PHACTR3: variants seen among roughly 807,000 people sequenced by gnomAD.
The protein encoded by PHACTR3 is phosphatase and actin regulator 3.
In PHACTR3, 16 loss-of-function variants were observed where a neutral mutation model predicts 66.8. That is an observed-to-expected ratio of 0.24 (90% CI 0.16 to 0.36). PHACTR3 has a LOEUF of 0.36. Among genes scored for constraint, PHACTR3 ranks in the 10% least tolerant of loss-of-function variants. PHACTR3 has a pLI of 1.00. For synonymous variants in PHACTR3, 323 were observed against 292.1 expected (o/e 1.11, Z -1.08); for missense variants, 647 against 719.9 (o/e 0.90, Z 1.16).
intron 1 of PHACTR3, among the ~76,000 whole-genome samples, chr20:59,702,947 G>A (rs969270973): frequency 2.6e-5 from 4 of 152,152 alleles, no homozygotes; most frequent in Non-Finnish European, 5.9e-5. Flanking sequence ...CTAAGATGGA[G>A]CTGACAGTGA....
At chr20:59,844,137 AG>A (rs1203022874) in intron 11 of PHACTR3, 1 of 152,132 alleles carries the variant, frequency 6.6e-6, no homozygotes, top group East Asian at 1.9e-4. Flanking sequence ...ATCTTATTCC[AG>A]TTAGAATAGT....
At chr20:59,741,508 T>A (rs2039162383) in intron 1 of PHACTR3, among the ~76,000 whole-genome samples, 1 of 152,224 alleles carries the variant, frequency 6.6e-6, no homozygotes, top group East Asian at 1.9e-4. Context: ...AATGTGCTCA[T>A]CTATTCTCAG....
intron 11 of PHACTR3, among the ~76,000 whole-genome samples, chr20:59,842,235 A>G (rs1476816251): frequency 6.6e-6 from 1 of 152,240 alleles, no homozygotes; most frequent in Non-Finnish European, 1.5e-5. Context: ...AAGAGTGTCC[A>G]TAGAGTTTTG....
At chr20:59,772,694 G>A (rs1441523693) in intron 5 of PHACTR3, among the ~76,000 whole-genome samples, 3 of 152,334 alleles carry the variant, frequency 2.0e-5, no homozygotes, top group South Asian at 2.1e-4. Context: ...CAGGGGCCTT[G>A]AGACTGGGCC....
In PHACTR3 at chr20:59,736,440, G is replaced by A. The variant is rs1485621113; in HGVS notation, c.119-6667G>A. Among the ~76,000 whole-genome samples, 2 of 152,080 alleles carry A rather than the reference G, an allele frequency of 1.3e-5. No individual in the cohort carries two copies. Among genetic ancestry groups the A allele is most frequent in the African/African-American group, 2.4e-5 (1 of 41,420 alleles). ...TCCCTCTGTGGACAGGTGTGCATGG[G>A]CCACATGCACCCGCCCACAGATGGC... On this transcript the variant is annotated intron_variant, in intron 1 of 12. Transcript: ENST00000371015. The surrounding 1 kb of genome is among the most constrained non-coding windows in gnomAD (Gnocchi z 4.6).
chr20:59,779,376 C>T (rs1487372159), intron 7 of PHACTR3, among the ~76,000 whole-genome samples: 1 of 152,218 alleles, frequency 6.6e-6, no homozygotes, highest in Non-Finnish European at 1.5e-5. Context: ...AAATTACTCA[C>T]AGTAGGAAAG....
In PHACTR3 at chr20:59,840,443, T is replaced by C. The variant is rs2059037573; in HGVS notation, c.1446+13T>C. The C allele has an allele frequency of 1.2e-6, 2 of 1,612,816 alleles. No homozygotes were observed. Among genetic ancestry groups the C allele is most frequent in the Non-Finnish European group, 1.7e-6 (2 of 1,179,398 alleles). On this transcript the variant is annotated intron_variant, in intron 10 of 12. Transcript: ENST00000371015. ...ATTGACAAGAAAGGTAGTATAAGCA[T>C]TTTATTGCCTGAATAATAAAAGGTG...
intron 1 of PHACTR3, among the ~76,000 whole-genome samples, chr20:59,707,185 A>T (rs751929819): frequency 4.6e-5 from 7 of 152,212 alleles, no homozygotes; most frequent in Non-Finnish European, 7.3e-5. Context: ...CTCTGTGTCC[A>T]TCTGATTTGG....
At chr20:59,629,663 T>A (rs776199854) in intron 1 of PHACTR3, among the ~76,000 whole-genome samples, 5 of 152,248 alleles carry the variant, frequency 3.3e-5, no homozygotes, top group Non-Finnish European at 5.9e-5. Context: ...GGCTTCCATC[T>A]TCTGCTCCTT....
At chr20:59,660,466 C>A (rs1477092826) in intron 1 of PHACTR3, among the ~76,000 whole-genome samples, 1 of 152,246 alleles carries the variant, frequency 6.6e-6, no homozygotes, top group Non-Finnish European at 1.5e-5. Context: ...TGCACTCCAG[C>A]CTGGGGGACA....
intron 1 of PHACTR3, among the ~76,000 whole-genome samples, chr20:59,712,600 A>T (rs970728850): frequency 1.3e-5 from 2 of 152,164 alleles, no homozygotes; most frequent in African/African-American, 4.8e-5. Context: ...GTCCTAATCA[A>T]CTACACATCC....
intron 1 of PHACTR3, among the ~76,000 whole-genome samples, chr20:59,631,234 G>C (rs145162312): frequency 6.6e-6 from 1 of 152,194 alleles, no homozygotes; most frequent in Non-Finnish European, 1.5e-5. Context: ...AGTCTGGTCC[G>C]GTGCCTCTGA....
At chr20:59,602,370 G>A (rs181436437), upstream of PHACTR3, among the ~76,000 whole-genome samples, 25 of 150,564 alleles carry the variant, frequency 1.7e-4, no homozygotes, top group Middle Eastern at 6.8e-3. Context: ...GTTTGAGGCT[G>A]TAGTGCACTA....
chr20:59,665,602 C>G (rs1011771310), intron 1 of PHACTR3, among the ~76,000 whole-genome samples: 1 of 151,768 alleles, frequency 6.6e-6, no homozygotes, highest in Non-Finnish European at 1.5e-5. Flanking sequence ...TGGTGGAGTT[C>G]GAGGGAGTGA....
chr20:59,755,417 C>A, intron 4 of PHACTR3, 53 bp downstream of exon 4: 9 of 1,570,974 alleles, frequency 5.7e-6, no homozygotes, highest in Non-Finnish European at 7.8e-6. Flanking sequence ...GGCCATACGT[C>A]CCCACTGTTG....
At chr20:59,584,329 G>T (rs2032954432) in intron 1 of PHACTR3, among the ~76,000 whole-genome samples, 1 of 151,024 alleles carries the variant, frequency 6.6e-6, no homozygotes, top group Non-Finnish European at 1.5e-5. Flanking sequence ...AGGGTGTGAA[G>T]CTGTGATGAG....
At chr20:59,733,519 C>A (rs2038842697) in intron 1 of PHACTR3, among the ~76,000 whole-genome samples, 1 of 152,118 alleles carries the variant, frequency 6.6e-6, no homozygotes, top group Non-Finnish European at 1.5e-5. Context: ...CTTCCTCCTC[C>A]CAGCCCTATT....
intron 1 of PHACTR3, among the ~76,000 whole-genome samples, chr20:59,725,956 G>A (rs1198375928): frequency 6.6e-6 from 1 of 152,160 alleles, no homozygotes; most frequent in Admixed American, 6.5e-5. Flanking sequence ...GTATCCGCTT[G>A]GGGTCAGGCC....
At chr20:59,777,929 T>C (rs8117070) in intron 7 of PHACTR3, among the ~76,000 whole-genome samples, 54,129 of 151,830 alleles carry the variant, frequency 0.36, 11,421 homozygotes, top group East Asian at 0.68. Context: ...GGGACTGGTG[T>C]GCATTGCATA....
Sources: gnomAD v4.1 joint callset for allele counts (sites outside exome capture counted in the v4.1 genomes callset) on GRCh38, gnomAD v4.1.1 for gene constraint, Gnocchi (gnomAD v3.1) non-coding constraint, MANE v1.5 for transcripts, NCBI Gene and HGNC (gene_info 2026-07-23, HGNC 2026-07-21) for gene names.